THSD7B: variants seen among roughly 807,000 people sequenced by gnomAD.
The protein encoded by THSD7B is thrombospondin type-1 domain-containing protein 7B.
A neutral mutation model predicts 213.6 loss-of-function variants in THSD7B; 138 were observed. The ratio of observed to expected loss-of-function variants is 0.65; its 90% confidence interval spans 0.56 to 0.74. The LOEUF is 0.74. Among genes scored for constraint, THSD7B ranks in the 30% least tolerant of loss-of-function variants. The probability of loss-of-function intolerance (pLI) is 0.00; values close to 1 mark genes in which losing one functional copy is unlikely to be tolerated. For synonymous variants in THSD7B, 742 were observed against 687.0 expected (o/e 1.08, Z -1.25); for missense variants, 1,931 against 1,991.5 (o/e 0.97, Z 0.58).
chr2:137,338,528 T>A (rs1307813517), intron 12 of THSD7B, among the ~76,000 whole-genome samples: 1 of 152,104 alleles, frequency 6.6e-6, no homozygotes, highest in Non-Finnish European at 1.5e-5. Context: ...CGTTTAATTT[T>A]AATGCTACTT....
intron 5 of THSD7B, 72 bp downstream of exon 5, chr2:137,115,365 T>C: frequency 7.2e-7 from 1 of 1,389,580 alleles, no homozygotes; most frequent in South Asian, 1.7e-5. Context: ...CTCCAAGTAT[T>C]CTTCTTGAAA....
intron 2 of THSD7B, among the ~76,000 whole-genome samples, chr2:136,904,691 A>G (rs996605382): frequency 2.0e-5 from 3 of 152,170 alleles, no homozygotes; most frequent in Admixed American, 6.5e-5. Flanking sequence ...AAGAGAAGCA[A>G]TGAGTGATCT....
chr2:136,962,595 T>C (rs959314450), intron 2 of THSD7B, among the ~76,000 whole-genome samples: 1 of 151,858 alleles, frequency 6.6e-6, no homozygotes, highest in African/African-American at 2.4e-5. Flanking sequence ...CCCTCCCCTG[T>C]AAGGGAAGAA....
At position 137,411,833 on chromosome 2, in the gene THSD7B, A is replaced by G; in HGVS notation, c.2920A>G (p.Asn974Asp). ...TCGAGCAGTAGCCTGTTCTGATAAA[A>G]ATGGAAGACCTGTTGACCCCTCCTT... ...RFRAVACSDK[N>D]GRPVDPSFCS... Residue 974 changes from asparagine to aspartate, a missense_variant, in exon 14 of 28, where the codon AAT (asparagine) becomes GAT (aspartate). Transcript: ENST00000409968. The G allele has an allele frequency of 6.2e-7, 1 of 1,614,008 alleles. No individual in the cohort carries two copies. The highest frequency in any genetic ancestry group is 8.5e-7 in the Non-Finnish European group (1 of 1,179,892).
intron 15 of THSD7B, among the ~76,000 whole-genome samples, chr2:137,491,471 A>G (rs1688604517): frequency 6.6e-6 from 1 of 152,224 alleles, no homozygotes; most frequent in South Asian, 2.1e-4. Context: ...CATATATTAA[A>G]TCAAGTCATG....
At chr2:137,531,705 G>T (rs1329563953) in intron 15 of THSD7B, among the ~76,000 whole-genome samples, 1 of 151,984 alleles carries the variant, frequency 6.6e-6, no homozygotes, top group Non-Finnish European at 1.5e-5. Flanking sequence ...TACACCTGCA[G>T]TTAACTGCAA....
intron 12 of THSD7B, among the ~76,000 whole-genome samples, chr2:137,378,793 A>G (rs1685715936): frequency 6.6e-6 from 1 of 152,128 alleles, no homozygotes; most frequent in Non-Finnish European, 1.5e-5. Flanking sequence ...GCTTCCAATC[A>G]TGGCTGAGTA....
chr2:137,381,615 G>T (rs765990798), intron 12 of THSD7B, among the ~76,000 whole-genome samples: 9 of 152,220 alleles, frequency 5.9e-5, no homozygotes, highest in Non-Finnish European at 7.3e-5. Flanking sequence ...ACCTGCGGGG[G>T]CCTCCCCAGT....
chr2:137,594,535 T>A (rs1490661036), intron 17 of THSD7B, among the ~76,000 whole-genome samples: 1 of 152,054 alleles, frequency 6.6e-6, no homozygotes, highest in African/African-American at 2.4e-5. Context: ...GCTATGTGTT[T>A]GTCTCTTTCT....
At position 136,953,794 on chromosome 2, in the gene THSD7B, C is replaced by A. The variant is rs115299580; in HGVS notation, c.139+71477C>A. On this transcript the variant is annotated intron_variant, in intron 2 of 27. Transcript: ENST00000409968. Reference sequence around the variant, plus strand: ...CTAATCCTTAAATAGCTTTTCAGTTCTCCTTTTAGGGTCTCATGGACACTC... The same window carrying A: ...CTAATCCTTAAATAGCTTTTCAGTTATCCTTTTAGGGTCTCATGGACACTC... 1.7e-3 allele frequency among the ~76,000 whole-genome samples: 260 copies of A among 152,314 alleles called. 1 individual carries two copies. The highest frequency in any genetic ancestry group is 6.0e-3 in the African/African-American group (251 of 41,562).
chr2:137,114,669 T>C (rs767787562), intron 4 of THSD7B, among the ~76,000 whole-genome samples: 2 of 152,256 alleles, frequency 1.3e-5, no homozygotes, highest in Admixed American at 6.5e-5. Context: ...GATAGCTGTA[T>C]GTAAAATAAT....
chr2:137,517,450 T>A (rs1348637387), intron 15 of THSD7B, among the ~76,000 whole-genome samples: 1 of 152,202 alleles, frequency 6.6e-6, no homozygotes, highest in East Asian at 1.9e-4. Flanking sequence ...TCTGGTGGTG[T>A]GAGGCCTGTT....
At chr2:137,487,075 T>G (rs1455797430) in intron 15 of THSD7B, among the ~76,000 whole-genome samples, 1 of 150,150 alleles carries the variant, frequency 6.7e-6, no homozygotes, top group African/African-American at 2.5e-5. Flanking sequence ...AACATCACAA[T>G]TAAAAGAACT....
chr2:137,354,200 A>G (rs775334430), intron 12 of THSD7B, among the ~76,000 whole-genome samples: 4 of 152,072 alleles, frequency 2.6e-5, no homozygotes, highest in Non-Finnish European at 4.4e-5. Flanking sequence ...CTTAAGGGCT[A>G]CAGTAGTATC....
At chr2:137,582,962 T>G (rs1296198351) in intron 17 of THSD7B, among the ~76,000 whole-genome samples, 2 of 152,198 alleles carry the variant, frequency 1.3e-5, no homozygotes, top group Non-Finnish European at 2.9e-5. Context: ...ACCAACAGTG[T>G]AAAAGTGTTC....
At chr2:136,766,962 C>T (rs1681408380) in intron 1 of THSD7B, among the ~76,000 whole-genome samples, 1 of 149,778 alleles carries the variant, frequency 6.7e-6, no homozygotes, top group African/African-American at 2.4e-5. Flanking sequence ...GCCAACCAGA[C>T]TGTGGTGGGG....
intron 2 of THSD7B, among the ~76,000 whole-genome samples, chr2:137,049,271 T>C (rs1448613954): frequency 6.9e-6 from 1 of 144,148 alleles, no homozygotes. Flanking sequence ...TGCACTCAAA[T>C]CAGACTCCCT....
intron 12 of THSD7B, among the ~76,000 whole-genome samples, chr2:137,400,379 A>G (rs574317225): frequency 2.0e-4 from 31 of 151,576 alleles, no homozygotes; most frequent in African/African-American, 6.3e-4. Flanking sequence ...TTGTGAATTT[A>G]CTTTTATTGG....
At chr2:137,177,017 A>G (rs1234141045) in intron 7 of THSD7B, among the ~76,000 whole-genome samples, 1 of 152,194 alleles carries the variant, frequency 6.6e-6, no homozygotes, top group Non-Finnish European at 1.5e-5. Context: ...CCTATAGGAG[A>G]TACAAAATCC....
Sources: gnomAD v4.1 joint callset for allele counts (sites outside exome capture counted in the v4.1 genomes callset) on GRCh38, gnomAD v4.1.1 for gene constraint, MANE v1.5 for transcripts, NCBI Gene and HGNC (gene_info 2026-07-23, HGNC 2026-07-21) for gene names.